The following PDE5A variants were observed in gnomAD, a reference collection of about 807,000 sequenced individuals.
The protein encoded by PDE5A is cGMP-specific 3',5'-cyclic phosphodiesterase.
In PDE5A, 67 loss-of-function variants were observed where a neutral mutation model predicts 110.2. That is an observed-to-expected ratio of 0.61 (90% confidence interval 0.50 to 0.75). PDE5A has a LOEUF of 0.75. Ranked by LOEUF, PDE5A falls within the 30% of genes least tolerant of loss-of-function variation. The probability of loss-of-function intolerance (pLI) is 0.00; values close to 1 mark genes in which losing one functional copy is unlikely to be tolerated. For synonymous variants in PDE5A, 328 were observed against 351.2 expected (o/e 0.93, Z 0.74); for missense variants, 862 against 1,045.1 (o/e 0.82, Z 2.42).
chr4:119,520,431 C>T (rs1167110323), intron 13 of PDE5A, among the ~76,000 whole-genome samples: 1 of 152,056 alleles, frequency 6.6e-6, no homozygotes, highest in Non-Finnish European at 1.5e-5. Flanking sequence ...TAAACAGTCT[C>T]TGGTCAATGT....
intron 3 of PDE5A, among the ~76,000 whole-genome samples, chr4:119,574,554 G>A (rs1286576598): frequency 1.3e-5 from 2 of 151,964 alleles, no homozygotes; most frequent in African/African-American, 4.8e-5. Flanking sequence ...ACATACTAAC[G>A]CTTAGTCTTT....
intron 1 of PDE5A, among the ~76,000 whole-genome samples, chr4:119,612,222 T>A (rs1729779279): frequency 6.6e-6 from 1 of 152,122 alleles, no homozygotes; most frequent in Admixed American, 6.5e-5. Flanking sequence ...CCCCTCAAAA[T>A]CTCATGTTGA....
chr4:119,498,528 AGT>A lies in PDE5A; in HGVS notation c.*71_*72del, dbSNP rs138398357. 6,943 of 1,530,980 alleles carry A rather than the reference AGT, an allele frequency of 4.5e-3. 264 individuals are homozygous for A. The African/African-American group carries it at 0.079, about 17-fold the overall frequency. 94.8% of individuals were successfully genotyped at this position (1,530,980 alleles called of 1,614,324 possible). A position where few individuals can be genotyped will look rare whatever the true frequency, so the allele number is the denominator to read the frequency against. On this transcript the variant is annotated 3_prime_UTR_variant, in exon 21 of 21. Coordinates refer to ENST00000354960, the MANE Select transcript of PDE5A (RefSeq NM_001083.4). The stretch of plus-strand genomic sequence containing the variant: ...TACCAAATACAGACACTATACAGAC[AGT>A]GTGTAAGAAACTAGGCATATTGCAG...
At chr4:119,592,498 G>A (rs965412346) in intron 3 of PDE5A, among the ~76,000 whole-genome samples, 10 of 139,948 alleles carry the variant, frequency 7.1e-5, no homozygotes, top group African/African-American at 2.7e-4. Flanking sequence ...GCTGTGTTCT[G>A]GAAGCCCTCT....
chr4:119,611,988 C>T (rs1729767729), intron 1 of PDE5A, among the ~76,000 whole-genome samples: 1 of 152,222 alleles, frequency 6.6e-6, no homozygotes, highest in Admixed American at 6.5e-5. Context: ...AATATCTATA[C>T]TCCGCTGATT....
chr4:119,590,116 A>G (rs1728911248), intron 3 of PDE5A, among the ~76,000 whole-genome samples: 3 of 152,170 alleles, frequency 2.0e-5, no homozygotes, highest in Admixed American at 2.0e-4. Flanking sequence ...GCCAGTTTTT[A>G]GTTATGTGAC....
intron 1 of PDE5A, among the ~76,000 whole-genome samples, chr4:119,626,610 G>T (rs777395531): frequency 3.9e-5 from 6 of 151,970 alleles, no homozygotes; most frequent in Non-Finnish European, 5.9e-5. Context: ...AGAGTGAAAG[G>T]AAAGTGGGTG....
chr4:119,575,569 T>C (rs915912699), intron 3 of PDE5A, among the ~76,000 whole-genome samples: 1 of 152,148 alleles, frequency 6.6e-6, no homozygotes, highest in Non-Finnish European at 1.5e-5. Flanking sequence ...ACCCAGAATT[T>C]CATATCCAGC....
intron 2 of PDE5A, among the ~76,000 whole-genome samples, chr4:119,599,422 G>A (rs556758448): frequency 6.6e-6 from 1 of 152,210 alleles, no homozygotes; most frequent in East Asian, 1.9e-4. Flanking sequence ...AAAAATTAAT[G>A]TAGGGATTTA....
chr4:119,528,967 G>A (rs995915334), intron 11 of PDE5A, among the ~76,000 whole-genome samples: 5 of 152,118 alleles, frequency 3.3e-5, no homozygotes, highest in Non-Finnish European at 5.9e-5. Context: ...CAGGTAGGAG[G>A]AGGGATATTT....
In PDE5A at chr4:119,583,101, A is replaced by G. The variant is rs190551922; in HGVS notation, c.831+13422T>C. Among the ~76,000 whole-genome samples, 3 of 152,338 alleles carry G rather than the reference A, an allele frequency of 2.0e-5. No individual in the cohort carries two copies. The East Asian group carries it at 5.8e-4, about 29-fold the overall frequency. ...TCTGGCTATGAAAGTCTGAAATGGCATCTTCTTCTAATAGTAGTCTGTTTA... is the reference window on the plus strand; with the variant it reads ...TCTGGCTATGAAAGTCTGAAATGGCGTCTTCTTCTAATAGTAGTCTGTTTA... On this transcript the variant is annotated intron_variant, in intron 3 of 20. Transcript: ENST00000354960.
chr4:119,496,375 A>G lies in PDE5A; in HGVS notation c.*2226T>C, dbSNP rs1212671242. 2 of 152,170 alleles carry G rather than the reference A, an allele frequency of 1.3e-5. No homozygotes were observed. Among genetic ancestry groups the G allele is most frequent in the African/African-American group, 4.8e-5 (2 of 41,460 alleles). The allele number at this position is 152,170 out of a possible 1,614,324, so 9.4% of individuals were successfully genotyped here. On this transcript the variant is annotated 3_prime_UTR_variant, in exon 21 of 21. Coordinates refer to ENST00000354960, the MANE Select transcript of PDE5A (RefSeq NM_001083.4). ...AGAAGTACTCTGCTTTGTATGAACT[A>G]AAATATCCAACAAAGAAATAAAATA...
intron 3 of PDE5A, among the ~76,000 whole-genome samples, chr4:119,584,540 T>C (rs1307098301): frequency 1.3e-5 from 2 of 152,212 alleles, no homozygotes; most frequent in Non-Finnish European, 2.9e-5. Context: ...TCTCTGCTTA[T>C]GAACAAATAT....
intron 3 of PDE5A, among the ~76,000 whole-genome samples, chr4:119,591,118 A>C (rs553850521): frequency 2.0e-5 from 3 of 152,322 alleles, no homozygotes; most frequent in East Asian, 3.9e-4. Flanking sequence ...AGACTATGTC[A>C]GGGGCTGTGT....
chr4:119,527,355 T>C (rs915881903), intron 11 of PDE5A: 2 of 152,074 alleles, frequency 1.3e-5, no homozygotes, highest in African/African-American at 4.8e-5. Flanking sequence ...ACATTTTCCA[T>C]AAGAGCCTTG....
intron 2 of PDE5A, among the ~76,000 whole-genome samples, chr4:119,601,404 C>A (rs886543803): frequency 6.6e-6 from 1 of 152,114 alleles, no homozygotes; most frequent in African/African-American, 2.4e-5. Context: ...TGCTGGGATG[C>A]TGGCATTCTG....
intron 3 of PDE5A, among the ~76,000 whole-genome samples, chr4:119,572,162 C>G (rs946788711): frequency 6.6e-6 from 1 of 152,166 alleles, no homozygotes; most frequent in Admixed American, 6.6e-5. Flanking sequence ...ACGCCCTATA[C>G]GAGGCAGGGT....
At chr4:119,598,340 C>T (rs373018574) in intron 2 of PDE5A, among the ~76,000 whole-genome samples, 35 of 152,250 alleles carry the variant, frequency 2.3e-4, no homozygotes, top group East Asian at 2.1e-3. Context: ...TAAATACATC[C>T]TTCAAATTTC....
chr4:119,528,068 AAAAC>A (rs753086919), intron 11 of PDE5A, among the ~76,000 whole-genome samples: 2 of 152,186 alleles, frequency 1.3e-5, no homozygotes, highest in African/African-American at 2.4e-5. Context: ...AAAAAATAAA[AAAAC>A]AAAGCTCATT....
Sources: allele counts gnomAD v4.1 joint callset (sites outside exome capture counted in the v4.1 genomes callset), GRCh38; gene constraint gnomAD v4.1.1; transcripts MANE v1.5; gene names NCBI Gene and HGNC (gene_info 2026-07-23, HGNC 2026-07-21).